Variants in UBE2R2 observed in about 807,000 individuals in gnomAD.
UBE2R2 encodes the protein ubiquitin-conjugating enzyme E2 R2.
In UBE2R2, 1 loss-of-function variant was observed where a neutral mutation model predicts 27.8. That is an observed-to-expected ratio of 0.04 (90% CI 0.01 to 0.17). UBE2R2 has a LOEUF of 0.17. Among genes scored for constraint, UBE2R2 ranks in the 10% least tolerant of loss-of-function variants. The probability of loss-of-function intolerance (pLI) is 1.00; values close to 1 mark genes in which losing one functional copy is unlikely to be tolerated. For synonymous variants in UBE2R2, 106 were observed against 113.3 expected (o/e 0.94, Z 0.41); for missense variants, 100 against 291.0 (o/e 0.34, Z 4.78).
chr9:33,866,754 G>A (rs1821372932), intron 1 of UBE2R2, among the ~76,000 whole-genome samples: 1 of 152,080 alleles, frequency 6.6e-6, no homozygotes, highest in African/African-American at 2.4e-5. Flanking sequence ...ATTTCTAACA[G>A]TATGAATTAA....
At position 33,817,674 on chromosome 9, in the gene UBE2R2, C is replaced by T; in HGVS notation, c.-84C>T. 1 of 1,189,936 alleles carries T rather than the reference C, an allele frequency of 8.4e-7. No homozygotes were observed. The highest frequency in any genetic ancestry group is 1.0e-6 in the Non-Finnish European group (1 of 961,452). 73.7% of individuals were successfully genotyped at this position (1,189,936 alleles called of 1,614,324 possible). ...CGGTGCTGCCCGGCCGGAGGGCGAG[C>T]GGAGGGGAGGGGCCTGGTCCGGCCC... On this transcript the variant is annotated 5_prime_UTR_variant, in exon 1 of 5. Coordinates refer to ENST00000263228, the MANE Select transcript of UBE2R2 (RefSeq NM_017811.4).
intron 1 of UBE2R2, among the ~76,000 whole-genome samples, chr9:33,819,778 A>C (rs1825935767): frequency 6.6e-6 from 1 of 152,118 alleles, no homozygotes; most frequent in African/African-American, 2.4e-5. Flanking sequence ...TGCTGGGACT[A>C]CAGGCGCACG....
chr9:33,911,845 T>C (rs1055512701), intron 3 of UBE2R2, 119 bp from the exon 4 acceptor site: 74 of 927,184 alleles, frequency 8.0e-5, no homozygotes, highest in Admixed American at 6.7e-4. Flanking sequence ...TTTAATTGTA[T>C]CAGAAAAATT....
intron 2 of UBE2R2, among the ~76,000 whole-genome samples, chr9:33,893,756 C>G (rs1040639648): frequency 5.9e-5 from 9 of 152,166 alleles, no homozygotes; most frequent in African/African-American, 2.2e-4. Flanking sequence ...CTCAACCACC[C>G]AAGTAGCTGG....
chr9:33,908,075 T>G (rs1564006232), intron 3 of UBE2R2, among the ~76,000 whole-genome samples: 1 of 152,356 alleles, frequency 6.6e-6, no homozygotes, highest in East Asian at 1.9e-4. Flanking sequence ...TCCGCCTGCC[T>G]CGGCCTCCCA....
intron 1 of UBE2R2, among the ~76,000 whole-genome samples, chr9:33,847,960 G>A (rs1820882977): frequency 6.6e-6 from 1 of 151,462 alleles, no homozygotes; most frequent in South Asian, 2.1e-4. Context: ...TCACCATGTT[G>A]GTCAGGCTGT....
At chr9:33,839,449 G>A (rs1820684534) in intron 1 of UBE2R2, among the ~76,000 whole-genome samples, 1 of 151,862 alleles carries the variant, frequency 6.6e-6, no homozygotes, top group Non-Finnish European at 1.5e-5. Flanking sequence ...TGATGGCCAG[G>A]CTGGTCTCGA....
intron 1 of UBE2R2, among the ~76,000 whole-genome samples, chr9:33,862,396 C>T (rs555966409): frequency 6.6e-6 from 1 of 152,206 alleles, no homozygotes; most frequent in East Asian, 1.9e-4. Context: ...GTGTCTTTTC[C>T]TGCTGGCTAA....
chr9:33,830,415 C>T (rs921486757), intron 1 of UBE2R2, among the ~76,000 whole-genome samples: 3 of 150,530 alleles, frequency 2.0e-5, no homozygotes, highest in African/African-American at 7.3e-5. Context: ...CCTCGGCCTC[C>T]CAAAGTGCTG....
intron 1 of UBE2R2, among the ~76,000 whole-genome samples, chr9:33,873,393 T>C (rs1200092356): frequency 2.6e-5 from 4 of 152,156 alleles, no homozygotes; most frequent in Admixed American, 6.6e-5. Context: ...TACTAAGTTA[T>C]TATTTTTACA....
At chr9:33,820,114 A>G (rs555288214) in intron 1 of UBE2R2, among the ~76,000 whole-genome samples, 84 of 152,370 alleles carry the variant, frequency 5.5e-4, no homozygotes, top group Non-Finnish European at 9.7e-4. Context: ...CAAACAAAAC[A>G]AAACAAAACA....
At chr9:33,844,189 T>G (rs892218874) in intron 1 of UBE2R2, among the ~76,000 whole-genome samples, 1 of 146,100 alleles carries the variant, frequency 6.8e-6, no homozygotes, top group African/African-American at 2.5e-5. Context: ...ATAAGCCTTT[T>G]TCTGTTCCAC....
intron 1 of UBE2R2, among the ~76,000 whole-genome samples, chr9:33,842,359 T>C (rs543719575): frequency 6.6e-6 from 1 of 152,198 alleles, no homozygotes; most frequent in Non-Finnish European, 1.5e-5. Flanking sequence ...CTTATGGCAC[T>C]GCACTCCAGC....
At chr9:33,855,072 C>T (rs1821072073) in intron 1 of UBE2R2, among the ~76,000 whole-genome samples, 2 of 152,076 alleles carry the variant, frequency 1.3e-5, no homozygotes, top group Admixed American at 1.3e-4. Flanking sequence ...TCTGCATTCT[C>T]TCATTTGTTA....
intron 1 of UBE2R2, among the ~76,000 whole-genome samples, chr9:33,838,632 A>G (rs1820666899): frequency 6.6e-6 from 1 of 151,952 alleles, no homozygotes; most frequent in South Asian, 2.1e-4. Context: ...ATGGATTCTT[A>G]ATTTACTACA....
chr9:33,817,860 G>A lies in UBE2R2; in HGVS notation c.103G>A (p.Glu35Lys). 1.2e-6 allele frequency: 2 copies of A among 1,611,702 alleles called. No individual in the cohort carries two copies. Among genetic ancestry groups the A allele is most frequent in the South Asian group, 1.1e-5 (1 of 91,022 alleles). Residue 35 changes from glutamate to lysine, a missense_variant, in exon 1 of 5, where the codon GAG becomes AAG. By Grantham distance (56) the Glu-to-Lys change is moderately conservative. Coordinates refer to ENST00000263228, the MANE Select transcript of UBE2R2 (RefSeq NM_017811.4). Reference protein sequence around the residue: ...VEGFRITLVDESDLYNWEVAI... With the variant: ...VEGFRITLVDKSDLYNWEVAI... ...GGGCTTCCGGATCACCCTGGTGGACGAGTCCGACCTCTACAACTGGGAGGT... is the reference window on the plus strand; with the variant it reads ...GGGCTTCCGGATCACCCTGGTGGACAAGTCCGACCTCTACAACTGGGAGGT...
rs570912655 is a variant in UBE2R2 at position 33,885,881 on chromosome 9, A to G, written c.178-1000A>G. ...ATATATAAAATACGGGGATACTGCA[A>G]AGGACGTTCACTGCAGCAGGATTTG... is the stretch of plus-strand genomic sequence containing the variant. On this transcript the variant is annotated intron_variant, in intron 1 of 4. Coordinates refer to ENST00000263228, the MANE Select transcript of UBE2R2 (RefSeq NM_017811.4). Among the ~76,000 whole-genome samples, 7 of 152,308 alleles carry G rather than the reference A, an allele frequency of 4.6e-5. No individual in the cohort carries two copies. In the South Asian group the frequency reaches 8.3e-4, roughly 18 times the overall value.
chr9:33,817,966 C>T (rs2734603), intron 1 of UBE2R2, 32 bp downstream of exon 1: 24,280 of 1,588,054 alleles, frequency 0.015, 1,043 homozygotes, highest in East Asian at 0.14. Flanking sequence ...ACCCTGCTTC[C>T]GCGGCCGAGG....
chr9:33,860,106 CTTT>C (rs10606799), intron 1 of UBE2R2, among the ~76,000 whole-genome samples: 132 of 148,442 alleles, frequency 8.9e-4, no homozygotes, highest in African/African-American at 1.5e-3. Context: ...CTTGCCTGCC[CTTT>C]TTTTTTTTTT....
Sources: allele counts gnomAD v4.1 joint callset (sites outside exome capture counted in the v4.1 genomes callset), GRCh38; gene constraint gnomAD v4.1.1; transcripts MANE v1.5; gene names NCBI Gene and HGNC (gene_info 2026-07-23, HGNC 2026-07-21).